The following SMG6 variants were observed in gnomAD, a reference collection of about 807,000 sequenced individuals.
SMG6 encodes SMG6 nonsense mediated mRNA decay factor.
A neutral mutation model predicts 142.2 loss-of-function variants in SMG6; 66 were observed. That is an observed-to-expected ratio of 0.46 (90% CI 0.38 to 0.57). SMG6 has a LOEUF of 0.57. Among genes scored for constraint, SMG6 ranks in the 20% least tolerant of loss-of-function variants. The pLI, the probability that SMG6 is intolerant of heterozygous loss-of-function variation, is 0.00. For synonymous variants in SMG6, 779 were observed against 702.4 expected (o/e 1.11, Z -1.72); for missense variants, 1,793 against 1,832.0 (o/e 0.98, Z 0.39).
chr17:2,210,762 AAAAAAATAAAAT>A (rs1360468299), intron 10 of SMG6, among the ~76,000 whole-genome samples: 2 of 150,784 alleles, frequency 1.3e-5, no homozygotes, highest in African/African-American at 2.5e-5. Flanking sequence ...AAAGCTTTAA[AAAAAAATAAAAT>A]AAAAAAAAAA....
At chr17:2,140,909 G>A (rs1390095281) in intron 13 of SMG6, among the ~76,000 whole-genome samples, 3 of 152,178 alleles carry the variant, frequency 2.0e-5, no homozygotes, top group Non-Finnish European at 4.4e-5. Flanking sequence ...TGTTAAATGA[G>A]CCTGCTGGGC....
At chr17:2,066,024 G>A (rs2067932711) in intron 16 of SMG6, 1 of 312,336 alleles carries the variant, frequency 3.2e-6, no homozygotes, top group Non-Finnish European at 6.2e-6. Context: ...CCTCAGGAGA[G>A]TCCAGGGTAT....
At chr17:2,269,240 A>C (rs1321078091) in intron 8 of SMG6, among the ~76,000 whole-genome samples, 1 of 127,614 alleles carries the variant, frequency 7.8e-6, no homozygotes, top group Non-Finnish European at 1.6e-5. Flanking sequence ...AAAAAAAAAA[A>C]ATTAGCCGGG....
At chr17:2,080,073 T>TCAAAACAAAACAAAACAAAA (rs59094023) in intron 15 of SMG6, among the ~76,000 whole-genome samples, 2 of 142,854 alleles carry the variant, frequency 1.4e-5, no homozygotes, top group Non-Finnish European at 3.0e-5. Context: ...AGACTCCATC[T>TCAAAACAAAACAAAACAAAA]CAAAACAAAA....
chr17:2,248,380 C>T (rs940821660), intron 8 of SMG6, among the ~76,000 whole-genome samples: 1 of 152,096 alleles, frequency 6.6e-6, no homozygotes, highest in Non-Finnish European at 1.5e-5. Flanking sequence ...GTTTTCCTTC[C>T]TGATTAGGTA....
intron 10 of SMG6, chr17:2,236,107 A>G (rs1225699912): frequency 6.4e-6 from 1 of 156,466 alleles, no homozygotes; most frequent in Non-Finnish European, 1.4e-5. Context: ...AGAAACAGCT[A>G]TTCCCAATCC....
intron 9 of SMG6, among the ~76,000 whole-genome samples, chr17:2,238,108 TG>T (rs953938619): frequency 7.8e-4 from 119 of 152,324 alleles, no homozygotes; most frequent in African/African-American, 2.7e-3. Flanking sequence ...GTGTCCTCCC[TG>T]GATTAGAAAA....
At chr17:2,210,031 C>G (rs2072800752) in intron 10 of SMG6, among the ~76,000 whole-genome samples, 1 of 152,118 alleles carries the variant, frequency 6.6e-6, no homozygotes, top group Admixed American at 6.6e-5. Context: ...AACCTACATC[C>G]AACTACTTGG....
At chr17:2,224,605 C>A (rs2073263852) in intron 10 of SMG6, among the ~76,000 whole-genome samples, 1 of 151,932 alleles carries the variant, frequency 6.6e-6, no homozygotes. Flanking sequence ...TAAGAGACAT[C>A]AAAAACTAAG....
At chr17:2,121,492 C>T (rs1018316597) in intron 13 of SMG6, among the ~76,000 whole-genome samples, 1 of 151,876 alleles carries the variant, frequency 6.6e-6, no homozygotes, top group Non-Finnish European at 1.5e-5. Flanking sequence ...GAGCTTGCCT[C>T]TGGGGACAGA....
intron 13 of SMG6, among the ~76,000 whole-genome samples, chr17:2,115,996 T>C (rs1210858207): frequency 6.6e-6 from 1 of 152,226 alleles, no homozygotes; most frequent in Non-Finnish European, 1.5e-5. Context: ...TGTGAGTCAC[T>C]GTGCCTGGCC....
At chr17:2,146,990 C>T (rs1597468064) in intron 13 of SMG6, among the ~76,000 whole-genome samples, 2 of 152,236 alleles carry the variant, frequency 1.3e-5, no homozygotes, top group South Asian at 2.1e-4. Flanking sequence ...GAAGAAGATA[C>T]AGAAGCCCAG....
At chr17:2,069,994 G>A (rs977646018) in intron 15 of SMG6, among the ~76,000 whole-genome samples, 4 of 152,148 alleles carry the variant, frequency 2.6e-5, no homozygotes, top group African/African-American at 7.2e-5. Context: ...GCTTACTAGT[G>A]CAAGCTAAAC....
At chr17:2,279,341 G>T (rs931733962) in intron 8 of SMG6, among the ~76,000 whole-genome samples, 1 of 152,216 alleles carries the variant, frequency 6.6e-6, no homozygotes, top group Non-Finnish European at 1.5e-5. Context: ...TATGAAAAGT[G>T]TAAGATTTGA....
chr17:2,254,582 A>C (rs2074121663), intron 8 of SMG6, among the ~76,000 whole-genome samples: 1 of 152,074 alleles, frequency 6.6e-6, no homozygotes, highest in South Asian at 2.1e-4. Flanking sequence ...TGATCTGCCC[A>C]CCTCGGGCTC....
chr17:2,294,010 A>C (rs2075095362), intron 4 of SMG6, among the ~76,000 whole-genome samples: 1 of 152,154 alleles, frequency 6.6e-6, no homozygotes, highest in African/African-American at 2.4e-5. Flanking sequence ...CCTAGGGAAC[A>C]CCACCTCACA....
intron 13 of SMG6, among the ~76,000 whole-genome samples, chr17:2,142,559 C>G (rs2070515275): frequency 6.6e-6 from 1 of 151,652 alleles, no homozygotes; most frequent in Non-Finnish European, 1.5e-5. Context: ...ACTCCTACAA[C>G]TCAACAATAA....
rs1407879222 is a variant in SMG6, at chr17:2,188,394, C to T, written c.2986+5G>A. 1 of 1,613,464 alleles carries T rather than the reference C, an allele frequency of 6.2e-7. No individual in the cohort carries two copies. Among genetic ancestry groups the T allele is most frequent in the Non-Finnish European group, 8.5e-7 (1 of 1,179,664 alleles). ...CCCACCAGGCTGGGGACTCCTCCTG[C>T]TTACCTTTGGCGGACTCCTTAAGTA... On this transcript the variant is annotated splice_donor_5th_base_variant and intron_variant, in intron 11 of 18. Coordinates refer to ENST00000263073, the MANE Select transcript of SMG6 (RefSeq NM_017575.5).
intron 13 of SMG6, chr17:2,088,854 C>T (rs1305257424): frequency 1.2e-5 from 12 of 985,080 alleles, no homozygotes; most frequent in Non-Finnish European, 1.4e-5. Flanking sequence ...GGAATAAGCC[C>T]ACTGGGGAGA....
Sources: gnomAD v4.1 joint callset for allele counts (sites outside exome capture counted in the v4.1 genomes callset) on GRCh38, gnomAD v4.1.1 for gene constraint, MANE v1.5 for transcripts, NCBI Gene and HGNC (gene_info 2026-07-23, HGNC 2026-07-21) for gene names.